Variants in ARHGAP6 observed in about 807,000 individuals in gnomAD.
The protein encoded by ARHGAP6 is Rho GTPase activating protein 6, also known as rho GTPase-activating protein 6.
ARHGAP6 carries 16 observed loss-of-function variants against 55.7 expected under a neutral mutation model. The ratio of observed to expected loss-of-function variants is 0.29; its 90% CI spans 0.19 to 0.44. The LOEUF (loss-of-function observed/expected upper bound fraction) is 0.44. Ranked by LOEUF, ARHGAP6 falls within the 20% of genes least tolerant of loss-of-function variation. The probability of loss-of-function intolerance (pLI) is 1.00; values close to 1 mark genes in which losing one functional copy is unlikely to be tolerated. For synonymous variants in ARHGAP6, 382 were observed against 360.9 expected (o/e 1.06, Z -0.66); for missense variants, 698 against 808.9 (o/e 0.86, Z 1.66).
intron 1 of ARHGAP6, among the ~76,000 whole-genome samples, chrX:11,572,534 C>G (rs2051536291): frequency 9.0e-6 from 1 of 111,465 alleles, no homozygotes; most frequent in South Asian, 3.8e-4. Flanking sequence ...TTTTTTATGG[C>G]TGCATAGTAT....
At chrX:11,590,921 A>AAAG (rs1157279613) in intron 1 of ARHGAP6, among the ~76,000 whole-genome samples, 1 of 96,385 alleles carries the variant, frequency 1.0e-5, no homozygotes, top group African/African-American at 4.1e-5. Context: ...AAAGAAAAGA[A>AAAG]AAGAAAAGAT....
chrX:11,139,626 T>TC, intron 12 of ARHGAP6, 96 bp from the exon 13 acceptor site: 3 of 940,902 alleles, frequency 3.2e-6, no homozygotes, highest in Admixed American at 4.4e-5. Flanking sequence ...TTCTACGACG[T>TC]CCCCCCGGAC....
intron 1 of ARHGAP6, among the ~76,000 whole-genome samples, chrX:11,587,057 T>C (rs1253397463): frequency 8.9e-6 from 1 of 111,881 alleles, no homozygotes. Flanking sequence ...GTTTATCATA[T>C]TAAGGAGCTT....
chrX:11,144,509 C>T (rs899124844), intron 10 of ARHGAP6, among the ~76,000 whole-genome samples: 2 of 112,385 alleles, frequency 1.8e-5, no homozygotes, highest in African/African-American at 6.5e-5. Flanking sequence ...AGAATGAAAC[C>T]GACAAGGAGC....
intron 1 of ARHGAP6, among the ~76,000 whole-genome samples, chrX:11,354,327 C>CTCTCTATATATATATATATA (rs1343744315): frequency 3.1e-5 from 1 of 32,350 alleles, no homozygotes; most frequent in African/African-American, 1.3e-4. Context: ...CTCTCTCTCT[C>CTCTCTATATATATATATATA]TATATATATA....
intron 9 of ARHGAP6, among the ~76,000 whole-genome samples, chrX:11,162,872 C>T (rs1441807121): frequency 8.9e-6 from 1 of 112,158 alleles, no homozygotes; most frequent in Non-Finnish European, 1.9e-5. Flanking sequence ...AAAAAGATAG[C>T]TCAATAATTA....
intron 1 of ARHGAP6, among the ~76,000 whole-genome samples, chrX:11,602,911 G>A (rs940535688): frequency 1.1e-4 from 12 of 112,383 alleles, no homozygotes; most frequent in African/African-American, 3.9e-4. Context: ...GAGTGCTTAT[G>A]GACTCATGCT....
intron 1 of ARHGAP6, among the ~76,000 whole-genome samples, chrX:11,318,088 T>G (rs772267174): frequency 8.9e-6 from 1 of 112,509 alleles, no homozygotes; most frequent in South Asian, 3.7e-4. Context: ...AAATTCTATT[T>G]GGCTTTAACG....
chrX:11,306,490 TTA>T lies in ARHGAP6; in HGVS notation c.589-51785_589-51784del, dbSNP rs2048239610. On this transcript the variant is annotated intron_variant, in intron 1 of 12. Transcript: ENST00000337414. ...TAACACTGAACATTTACTGGGCTTA[TTA>T]TATTTCAGGCACTATTCTAAGCACA... Among the ~76,000 whole-genome samples, 4 of 112,544 alleles carry T rather than the reference TTA, an allele frequency of 3.6e-5. No homozygotes were observed. The Admixed American group carries it at 3.8e-4, about 11-fold the overall frequency.
At chrX:11,263,865 T>C (rs1340479792) in intron 1 of ARHGAP6, among the ~76,000 whole-genome samples, 1 of 111,877 alleles carries the variant, frequency 8.9e-6, no homozygotes, top group Non-Finnish European at 1.9e-5. Context: ...ATGGGGATGA[T>C]GACAGGGATT....
At chrX:11,572,431 A>G (rs968745917) in intron 1 of ARHGAP6, among the ~76,000 whole-genome samples, 11 of 110,136 alleles carry the variant, frequency 1.0e-4, no homozygotes, top group Non-Finnish European at 2.1e-4. Flanking sequence ...GAGTGAGAAC[A>G]CAAGGTGTTT....
At chrX:11,274,300 G>A (rs2047730406) in intron 1 of ARHGAP6, among the ~76,000 whole-genome samples, 1 of 111,521 alleles carries the variant, frequency 9.0e-6, no homozygotes, top group Non-Finnish European at 1.9e-5. Context: ...CTTAAAGCAG[G>A]GTCAGCAAAG....
intron 1 of ARHGAP6, among the ~76,000 whole-genome samples, chrX:11,394,422 T>A (rs1395705947): frequency 1.8e-5 from 2 of 111,619 alleles, no homozygotes; most frequent in Non-Finnish European, 3.8e-5. Flanking sequence ...ACAATTTCAT[T>A]GGGATGATGG....
intron 1 of ARHGAP6, among the ~76,000 whole-genome samples, chrX:11,482,111 T>A (rs2050462360): frequency 8.9e-6 from 1 of 112,034 alleles, no homozygotes; most frequent in African/African-American, 3.3e-5. Flanking sequence ...TGTCACAACT[T>A]TGGTGGGGGA....
intron 1 of ARHGAP6, among the ~76,000 whole-genome samples, chrX:11,451,575 A>G (rs1433207514): frequency 8.9e-6 from 1 of 112,120 alleles, no homozygotes; most frequent in Non-Finnish European, 1.9e-5. Flanking sequence ...AGTTCTGAAG[A>G]ACAACATTCT....
intron 1 of ARHGAP6, among the ~76,000 whole-genome samples, chrX:11,482,988 T>C (rs1332853916): frequency 1.8e-5 from 2 of 111,341 alleles, no homozygotes; most frequent in Admixed American, 1.9e-4. Flanking sequence ...TCATCCCACT[T>C]CCTCTACCAT....
At chrX:11,427,451 C>G in intron 1 of ARHGAP6, 2 of 890,013 alleles carry the variant, frequency 2.2e-6, no homozygotes, top group Non-Finnish European at 2.8e-6. Flanking sequence ...CAGCCGTGGA[C>G]CTGTGGGGAG....
At chrX:11,461,126 G>A (rs927810629) in intron 1 of ARHGAP6, among the ~76,000 whole-genome samples, 1 of 111,869 alleles carries the variant, frequency 8.9e-6, no homozygotes, top group Non-Finnish European at 1.9e-5. Flanking sequence ...AGTAATACAT[G>A]CTACTTCCAT....
chrX:11,209,007 G>C (rs2046749179), intron 2 of ARHGAP6, among the ~76,000 whole-genome samples: 1 of 112,044 alleles, frequency 8.9e-6, no homozygotes, highest in Admixed American at 9.5e-5. Context: ...AAGAAGGGAA[G>C]ACCAACTATG....
Sources: allele counts gnomAD v4.1 joint callset (sites outside exome capture counted in the v4.1 genomes callset), GRCh38; gene constraint gnomAD v4.1.1; transcripts MANE v1.5; gene names NCBI Gene and HGNC (gene_info 2026-07-23, HGNC 2026-07-21).